CACNA2D1: variants seen among roughly 807,000 people sequenced by gnomAD.
The protein encoded by CACNA2D1 is calcium voltage-gated channel auxiliary subunit alpha2delta 1.
Under a neutral mutation model 171.5 loss-of-function variants are expected in CACNA2D1, and 53 were observed. The observed-to-expected ratio is 0.31, with a 90% CI of 0.25 to 0.39. The LOEUF (loss-of-function observed/expected upper bound fraction) is 0.39, where lower values mean the gene tolerates loss of function less well. CACNA2D1 is among the 10% of genes least tolerant of loss of function. CACNA2D1 has a pLI of 1.00. For missense variants in CACNA2D1, 903 were observed against 1,299.8 expected (o/e 0.69, Z 4.69); for synonymous variants, 442 against 443.1 (o/e 1.00, Z 0.03).
chr7:82,164,852 C>T (rs1030987344), intron 4 of CACNA2D1, among the ~76,000 whole-genome samples: 4 of 151,724 alleles, frequency 2.6e-5, no homozygotes, highest in Non-Finnish European at 5.9e-5. Context: ...TTCAGAAATA[C>T]AGTACACTCC....
At chr7:82,325,556 T>G (rs1816546902) in intron 3 of CACNA2D1, among the ~76,000 whole-genome samples, 1 of 152,108 alleles carries the variant, frequency 6.6e-6, no homozygotes, top group Admixed American at 6.5e-5. Context: ...TGGCTAAGAT[T>G]ATTGAGATGC....
chr7:81,949,555 C>G lies in CACNA2D1; in HGVS notation c.*837G>C, dbSNP rs1431286841. On this transcript the variant is annotated 3_prime_UTR_variant, in exon 39 of 39. Transcript: ENST00000356860. ...CAAGAAAAACATTTCCCCCTCCCCC[C>G]TGACAAGCTTTTCTTAGAGCATTTT... The G allele has an allele frequency of 6.6e-6, 1 of 152,134 alleles. No homozygotes were observed. Among genetic ancestry groups the G allele is most frequent in the African/African-American group, 2.4e-5 (1 of 41,420 alleles). 9.4% of individuals were successfully genotyped at this position (152,134 alleles called of 1,614,324 possible).
intron 12 of CACNA2D1, among the ~76,000 whole-genome samples, chr7:82,031,344 A>G (rs1562895574): frequency 6.6e-6 from 1 of 151,988 alleles, no homozygotes; most frequent in Non-Finnish European, 1.5e-5. Context: ...ATATGCACAT[A>G]TTAGTTAATG....
At chr7:82,080,166 G>GGT (rs1409328307) in intron 7 of CACNA2D1, among the ~76,000 whole-genome samples, 14 of 146,346 alleles carry the variant, frequency 9.6e-5, no homozygotes, top group African/African-American at 3.5e-4. Flanking sequence ...TATGTATATA[G>GGT]GTGTGTATAT....
At chr7:82,172,382 T>C (rs1219116904) in intron 3 of CACNA2D1, among the ~76,000 whole-genome samples, 2 of 152,002 alleles carry the variant, frequency 1.3e-5, no homozygotes, top group Non-Finnish European at 2.9e-5. Flanking sequence ...GCAACTCTTC[T>C]ATAGAAACAC....
At chr7:82,306,552 A>G (rs1176707398) in intron 3 of CACNA2D1, among the ~76,000 whole-genome samples, 3 of 152,214 alleles carry the variant, frequency 2.0e-5, no homozygotes, top group Non-Finnish European at 4.4e-5. Flanking sequence ...AGTGACTGGC[A>G]GCTTCCCACA....
At chr7:82,235,572 T>A (rs1371192758) in intron 3 of CACNA2D1, among the ~76,000 whole-genome samples, 1 of 152,174 alleles carries the variant, frequency 6.6e-6, no homozygotes, top group Non-Finnish European at 1.5e-5. Context: ...ATAACAGTAA[T>A]AATAAATGCT....
Position 82,343,716 on chromosome 7 carries a change from A to T in CACNA2D1, c.177+5852T>A, listed in dbSNP as rs192871096. Among the ~76,000 whole-genome samples the T allele has an allele frequency of 3.9e-5, 6 of 152,294 alleles. No individual in the cohort carries two copies. The East Asian group carries it at 1.2e-3, about 29-fold the overall frequency. On this transcript the variant is annotated intron_variant, in intron 2 of 38. Coordinates refer to ENST00000356860, the MANE Select transcript of CACNA2D1 (RefSeq NM_000722.4). ...CCTCTCTTTTTCCATATCTGAAGCT[A>T]TATATAAATTTGAATACACATTTTG...
At chr7:82,274,289 T>C (rs1809032784) in intron 3 of CACNA2D1, among the ~76,000 whole-genome samples, 1 of 152,196 alleles carries the variant, frequency 6.6e-6, no homozygotes, top group South Asian at 2.1e-4. Context: ...AAAACTATGT[T>C]TCCCAGATTT....
intron 7 of CACNA2D1, among the ~76,000 whole-genome samples, chr7:82,082,851 C>T (rs1390712827): frequency 1.3e-5 from 2 of 151,676 alleles, no homozygotes; most frequent in African/African-American, 4.8e-5. Flanking sequence ...AAAATTAAAG[C>T]CATCATCCCT....
intron 20 of CACNA2D1, among the ~76,000 whole-genome samples, chr7:81,993,212 C>G (rs558964125): frequency 6.6e-6 from 1 of 152,132 alleles, no homozygotes; most frequent in South Asian, 2.1e-4. Flanking sequence ...TAATTTCAGA[C>G]AGATTGTAGT....
In CACNA2D1 at chr7:82,425,009, C is replaced by T. The variant is rs112534413; in HGVS notation, c.95+18356G>A. Among the ~76,000 whole-genome samples the T allele has an allele frequency of 1.1e-4, 16 of 152,260 alleles. 2 individuals are homozygous for T. The highest frequency in any genetic ancestry group is 3.9e-4 in the African/African-American group (16 of 41,550). Reference sequence around the variant, plus strand: ...TTCCCACTCCTGCAGAACCCATTCTCCTTGAGTGTGAGTGGGGACCATGAT... The same window carrying T: ...TTCCCACTCCTGCAGAACCCATTCTTCTTGAGTGTGAGTGGGGACCATGAT... On this transcript the variant is annotated intron_variant, in intron 1 of 38. Coordinates refer to ENST00000356860, the MANE Select transcript of CACNA2D1 (RefSeq NM_000722.4).
chr7:82,373,752 C>T (rs1653419983), intron 1 of CACNA2D1, among the ~76,000 whole-genome samples: 1 of 152,122 alleles, frequency 6.6e-6, no homozygotes, highest in Non-Finnish European at 1.5e-5. Context: ...CAAATATTTT[C>T]CTATTGTGTT....
intron 2 of CACNA2D1, among the ~76,000 whole-genome samples, chr7:82,340,516 T>C (rs1048677030): frequency 6.6e-6 from 1 of 152,018 alleles, no homozygotes; most frequent in Non-Finnish European, 1.5e-5. Context: ...TTCTGAGTGA[T>C]TCACTATTCC....
intron 3 of CACNA2D1, among the ~76,000 whole-genome samples, chr7:82,296,616 A>C (rs1033961598): frequency 6.6e-6 from 1 of 152,188 alleles, no homozygotes; most frequent in Non-Finnish European, 1.5e-5. Flanking sequence ...GGACTGATTT[A>C]AAATGCAGCT....
At chr7:82,223,983 C>T (rs1413896994) in intron 3 of CACNA2D1, among the ~76,000 whole-genome samples, 2 of 152,126 alleles carry the variant, frequency 1.3e-5, no homozygotes, top group South Asian at 2.1e-4. Flanking sequence ...CAGGCACGAT[C>T]CAGCTTGGGC....
In CACNA2D1 at chr7:81,991,202, G is replaced by T; in HGVS notation, c.1779C>A (p.Val593=). 6.6e-7 allele frequency: 1 copy of T among 1,515,572 alleles called. No individual in the cohort carries two copies. The highest frequency in any genetic ancestry group is 9.2e-7 in the Non-Finnish European group (1 of 1,090,514). 93.9% of individuals were successfully genotyped at this position (1,515,572 alleles called of 1,614,324 possible). A position where few individuals can be genotyped will look rare whatever the true frequency, so the allele number is the denominator to read the frequency against. ...KGNRTYTWTP[V]NGTDYSLALV... ...TTAATTACCTGTAATCTGTGCCATT[G>T]ACAGGTGTCCATGTGTATGTCCTGT... is the stretch of plus-strand genomic sequence containing the variant. Residue 593 remains valine (V), a synonymous_variant, in exon 21 of 39, where the codon GTC becomes GTA. Transcript: ENST00000356860.
intron 2 of CACNA2D1, among the ~76,000 whole-genome samples, chr7:82,341,232 T>C (rs1026159748): frequency 3.3e-5 from 5 of 152,198 alleles, no homozygotes; most frequent in Non-Finnish European, 7.4e-5. Context: ...ACTAAACAAA[T>C]ACTAATGTAG....
chr7:82,261,736 G>A (rs1306475695), intron 3 of CACNA2D1, among the ~76,000 whole-genome samples: 1 of 151,950 alleles, frequency 6.6e-6, no homozygotes, highest in Non-Finnish European at 1.5e-5. Context: ...TTCAGTGTTG[G>A]TAAAGCCTGG....
Sources: allele counts gnomAD v4.1 joint callset (sites outside exome capture counted in the v4.1 genomes callset), GRCh38; gene constraint gnomAD v4.1.1; transcripts MANE v1.5; gene names NCBI Gene and HGNC (gene_info 2026-07-23, HGNC 2026-07-21).